NT5DC2: variants seen among roughly 807,000 people sequenced by gnomAD.
NT5DC2 encodes 5'-nucleotidase domain containing 2, also known as 5'-nucleotidase domain-containing protein 2.
In NT5DC2, 41 loss-of-function variants were observed where a neutral mutation model predicts 70.0. The observed-to-expected ratio is 0.59, with a 90% CI of 0.46 to 0.76. The LOEUF is 0.76. Among genes scored for constraint, NT5DC2 ranks in the 30% least tolerant of loss-of-function variants. The probability of loss-of-function intolerance (pLI) is 0.00; values close to 1 mark genes in which losing one functional copy is unlikely to be tolerated. For synonymous variants in NT5DC2, 299 were observed against 310.4 expected (o/e 0.96, Z 0.39); for missense variants, 705 against 783.2 (o/e 0.90, Z 1.19).
At chr3:52,527,791 G>C (rs1360183673) in intron 8 of NT5DC2, 38 bp downstream of exon 8, 4 of 1,611,788 alleles carry the variant, frequency 2.5e-6, no homozygotes, top group Non-Finnish European at 1.7e-6. Context: ...CCAGAGCCCT[G>C]GCCCTGCTGT....
At chr3:52,527,482 C>G in intron 9 of NT5DC2, 107 bp from the exon 10 acceptor site, 1 of 1,460,726 alleles carries the variant, frequency 6.8e-7, no homozygotes, top group Non-Finnish European at 9.5e-7. Flanking sequence ...GGACCCATGC[C>G]AGCAAGGGGG....
chr3:52,534,237 A>G, upstream of NT5DC2: 1 of 487,312 alleles, frequency 2.1e-6, no homozygotes, highest in Non-Finnish European at 3.8e-6. Context: ...TTCTGACCCC[A>G]GATCCTCCGC....
At chr3:52,528,101 A>G (rs1376683342) in intron 6 of NT5DC2, 28 bp from the exon 7 acceptor site, 1 of 1,612,922 alleles carries the variant, frequency 6.2e-7, no homozygotes, top group Admixed American at 1.7e-5. Context: ...CAATGAGGGT[A>G]CAGCAGGGCC....
Position 52,529,446 on chromosome 3 carries a change from C to T in NT5DC2, c.233-112G>A, listed in dbSNP as rs35371456. On this transcript the variant is annotated intron_variant, in intron 1 of 13. Transcript: ENST00000422318. This position sits in a 1 kb window ranked among gnomAD's most constrained non-coding sequence, Gnocchi z 4.1. ...CCCTGTGAGCCTCAGAAACGCCCCA[C>T]AATGGCACCTCTTATTCCAGTGCTG... is the stretch of plus-strand genomic sequence containing the variant. 0.072 allele frequency: 68,653 copies of T among 951,766 alleles called. 2,891 individuals are homozygous for T. Among genetic ancestry groups the T allele is most frequent in the Non-Finnish European group, 0.087 (54,714 of 627,588 alleles). 59.0% of individuals were successfully genotyped at this position (951,766 alleles called of 1,614,324 possible).
chr3:52,527,187 G>A (rs1408106183), intron 10 of NT5DC2, 107 bp downstream of exon 10: 2 of 1,063,056 alleles, frequency 1.9e-6, no homozygotes, highest in Non-Finnish European at 2.9e-6. Context: ...AGGCTGCTCA[G>A]GGCCAAGGAG....
rs142658834 is a variant in NT5DC2, at chr3:52,532,582, C to T, written c.232+924G>A. The T allele has an allele frequency of 4.5e-3, 3,903 of 862,348 alleles. 12 individuals are homozygous for T. The highest frequency in any genetic ancestry group is 5.8e-3 in the Admixed American group (93 of 16,136). The allele number at this position is 862,348 out of a possible 1,614,324, so 53.4% of individuals were successfully genotyped here. ...ACTTTGTTTTATCAGACAACAAAAG[C>T]CACGTCACCCCTGGGGGTTCCTCCG... On this transcript the variant is annotated intron_variant, in intron 1 of 13. Transcript: ENST00000422318.
Position 52,529,401 on chromosome 3 carries a change from A to G in NT5DC2, c.233-67T>C. On this transcript the variant is annotated intron_variant, in intron 1 of 13. Transcript: ENST00000422318. This position sits in a 1 kb window ranked among gnomAD's most constrained non-coding sequence, Gnocchi z 4.1. ...ATCCCTGCAGCAGCTATGGCTCCTG[A>G]GCACTCTGTGGGGACCTAGCCCTGT... 6.7e-7 allele frequency: 1 copy of G among 1,497,910 alleles called. No individual in the cohort carries two copies. Among genetic ancestry groups the G allele is most frequent in the South Asian group, 1.2e-5 (1 of 85,382 alleles). 92.8% of individuals were successfully genotyped at this position (1,497,910 alleles called of 1,614,324 possible). A position where few individuals can be genotyped will look rare whatever the true frequency, so the allele number is the denominator to read the frequency against.
At chr3:52,525,584 T>A (rs1575384123) in intron 10 of NT5DC2, 2 of 412,098 alleles carry the variant, frequency 4.9e-6, no homozygotes, top group African/African-American at 4.1e-5. Context: ...TAGATCCCTG[T>A]TTGTAAGGTA....
rs954094825 is a variant in NT5DC2 at position 52,529,066 on chromosome 3, C to T, written c.417+84G>A. ...AGGCAAGAGGGCCAGGGGAGCCCCA[C>T]GACTCAGCCCTGAGCTTAGGCCAAG... On this transcript the variant is annotated intron_variant, in intron 2 of 13. Transcript: ENST00000422318. This position sits in a 1 kb window ranked among gnomAD's most constrained non-coding sequence, Gnocchi z 4.1. 3.3e-5 allele frequency: 53 copies of T among 1,592,218 alleles called. No homozygotes were observed. The highest frequency in any genetic ancestry group is 4.0e-5 in the African/African-American group (3 of 74,430).
Position 52,524,683 on chromosome 3 carries a change from G to T in NT5DC2, c.1461C>A (p.Arg487=), listed in dbSNP as rs923361114. The change falls in exon 14 of 14, where the codon CGC becomes CGA. Residue 487 remains arginine, a synonymous_variant. Transcript: ENST00000422318. ...LFNAQFGSIF[R]TFHNPTYFSR... ...AGAAGTAGGTGGGGTTGTGGAAGGTGCGGAAGATGCTGCCGAACTGCGCAT... is the reference window on the plus strand; with the variant it reads ...AGAAGTAGGTGGGGTTGTGGAAGGTTCGGAAGATGCTGCCGAACTGCGCAT... 6.2e-7 allele frequency: 1 copy of T among 1,612,884 alleles called. No homozygotes were observed. The highest frequency in any genetic ancestry group is 1.7e-5 in the Admixed American group (1 of 60,030).
chr3:52,533,660 C>G lies in NT5DC2; in HGVS notation c.78G>C (p.Ser26=), dbSNP rs2079390666. 10 of 1,157,058 alleles carry G rather than the reference C, an allele frequency of 8.6e-6. No homozygotes were observed. Among genetic ancestry groups the G allele is most frequent in the Non-Finnish European group, 1.1e-5 (10 of 940,608 alleles). 71.7% of individuals were successfully genotyped at this position (1,157,058 alleles called of 1,614,324 possible). A position where few individuals can be genotyped will look rare whatever the true frequency, so the allele number is the denominator to read the frequency against. ...CGCACCCAGGGCAGGAGGGCGAGGA[C>G]GAGGCGGCTCGCGGCCCGCCGTGGC... ...CGGHGGPRAA[S]SSPSCPGCGP... Residue 26 remains serine, a synonymous_variant, in exon 1 of 14, where the codon TCG becomes TCC. Coordinates refer to ENST00000422318, the MANE Select transcript of NT5DC2 (RefSeq NM_001134231.2).
chr3:52,528,356 C>T, intron 5 of NT5DC2, 45 bp from the exon 6 acceptor site: 5 of 1,613,212 alleles, frequency 3.1e-6, no homozygotes, highest in Non-Finnish European at 4.2e-6. Flanking sequence ...GGACCCCAAC[C>T]CCTTCAGTGC....
In NT5DC2 at chr3:52,528,289, A is replaced by G; in HGVS notation, c.665T>C (p.Met222Thr). The G allele has an allele frequency of 6.2e-7, 1 of 1,613,396 alleles. No individual in the cohort carries two copies. Among genetic ancestry groups the G allele is most frequent in the Non-Finnish European group, 8.5e-7 (1 of 1,180,036 alleles). ...YGKGPSIKQF[M>T]DIFSLPEMAL... ...CATCTCCGGTAGCGAGAAGATGTCCATGAACTGCTTAATGGAGGGACCCTG... is the reference window on the plus strand; with the variant it reads ...CATCTCCGGTAGCGAGAAGATGTCCGTGAACTGCTTAATGGAGGGACCCTG... The change falls in exon 6 of 14, where the codon ATG becomes ACG. Residue 222 changes from methionine (M) to threonine (T), a missense_variant. By Grantham distance (81) the Met-to-Thr change is moderately conservative. Coordinates refer to ENST00000422318, the MANE Select transcript of NT5DC2 (RefSeq NM_001134231.2).
chr3:52,533,449 C>G, intron 1 of NT5DC2, 57 bp downstream of exon 1: 1 of 1,455,490 alleles, frequency 6.9e-7, no homozygotes. Flanking sequence ...GGGCTCGGTC[C>G]GTCCATCAGT....
At chr3:52,526,491 G>A (rs1272774264) in intron 10 of NT5DC2, 12 of 152,400 alleles carry the variant, frequency 7.9e-5, no homozygotes, top group Admixed American at 4.6e-4. Context: ...CCTGCTCATA[G>A]ACACCTAATC....
chr3:52,532,031 CACCACA>C (rs2079368418), intron 1 of NT5DC2: 1 of 226,318 alleles, frequency 4.4e-6, no homozygotes, highest in Non-Finnish European at 7.4e-6. Context: ...CTCCCAATGT[CACCACA>C]CTGAGGCCAG....
Position 52,529,791 on chromosome 3 carries a change from G to C in NT5DC2, c.233-457C>G. On this transcript the variant is annotated intron_variant, in intron 1 of 13. Transcript: ENST00000422318. This position sits in a 1 kb window ranked among gnomAD's most constrained non-coding sequence, Gnocchi z 4.1. ...ACCCGTGCAGGAACACCACTGTCTG[G>C]CCCCCCACAATTCAGCGCCTCCTCT... 5.2e-6 allele frequency: 1 copy of C among 192,396 alleles called. No homozygotes were observed. Among genetic ancestry groups the C allele is most frequent in the Non-Finnish European group, 1.1e-5 (1 of 90,884 alleles). The allele number at this position is 192,396 out of a possible 1,614,324, so 11.9% of individuals were successfully genotyped here. A position where few individuals can be genotyped will look rare whatever the true frequency, so the allele number is the denominator to read the frequency against.
At chr3:52,526,923 C>G (rs2079283136) in intron 10 of NT5DC2, among the ~76,000 whole-genome samples, 2 of 152,222 alleles carry the variant, frequency 1.3e-5, no homozygotes, top group Non-Finnish European at 2.9e-5. Flanking sequence ...CTCAGCCTCC[C>G]AAACTGCTGG....
In NT5DC2 at chr3:52,528,518, G is replaced by C. The variant is rs141523667; in HGVS notation, c.570C>G (p.Asp190Glu). ...CCCCATACAGCTCAATCACCTCCTC[G>C]TCTGGCACAGGCTGGAGGCCCCTGA... Reference protein sequence around the residue: ...TAYRGLQPVPDEEVIELYGGT... With the variant: ...TAYRGLQPVPEEEVIELYGGT... The change falls in exon 5 of 14, where the codon GAC becomes GAG. Residue 190 changes from aspartate (D) to glutamate (E), a missense_variant. By Grantham distance (45) the Asp-to-Glu change is conservative. Coordinates refer to ENST00000422318, the MANE Select transcript of NT5DC2 (RefSeq NM_001134231.2). 1.9e-6 allele frequency: 3 copies of C among 1,612,622 alleles called. No individual in the cohort carries two copies. Among genetic ancestry groups the C allele is most frequent in the Admixed American group, 3.3e-5 (2 of 59,872 alleles).
Sources: allele counts gnomAD v4.1 joint callset (sites outside exome capture counted in the v4.1 genomes callset), GRCh38; gene constraint gnomAD v4.1.1; non-coding constraint Gnocchi (gnomAD v3.1); transcripts MANE v1.5; gene names NCBI Gene and HGNC (gene_info 2026-07-23, HGNC 2026-07-21).